ZNF536: variants seen among roughly 807,000 people sequenced by gnomAD.
ZNF536 encodes zinc finger protein 536.
In ZNF536, 13 loss-of-function variants were observed where a neutral mutation model predicts 84.5. The observed-to-expected ratio is 0.15, with a 90% CI of 0.10 to 0.24. The LOEUF is 0.24. Among genes scored for constraint, ZNF536 ranks in the 10% least tolerant of loss-of-function variants. The probability of loss-of-function intolerance (pLI) is 1.00; values close to 1 mark genes in which losing one functional copy is unlikely to be tolerated. For synonymous variants in ZNF536, 811 were observed against 742.5 expected, an observed-to-expected ratio of 1.09 and a Z score of -1.50; for missense variants, 1,536 against 1,747.5, an observed-to-expected ratio of 0.88 and a Z score of 2.16.
intron 1 of ZNF536, among the ~76,000 whole-genome samples, chr19:30,630,973 C>T (rs765326578): frequency 2.6e-5 from 4 of 152,164 alleles, no homozygotes; most frequent in South Asian, 2.1e-4. Context: ...GTCTGCTGGC[C>T]GAGGCTCGCT....
chr19:30,566,917 G>C (rs1568561056), intron 1 of ZNF536, among the ~76,000 whole-genome samples: 1 of 151,602 alleles, frequency 6.6e-6, no homozygotes. Context: ...CCCGCATGTG[G>C]CCTCTCTGGG....
At chr19:30,681,311 G>T (rs2050962551) in intron 1 of ZNF536, among the ~76,000 whole-genome samples, 1 of 152,202 alleles carries the variant, frequency 6.6e-6, no homozygotes, top group Non-Finnish European at 1.5e-5. Context: ...CCTGTGCAAG[G>T]TGCTGAGGAG....
At chr19:30,468,591 T>G (rs1243127786) in intron 2 of ZNF536, among the ~76,000 whole-genome samples, 1 of 152,098 alleles carries the variant, frequency 6.6e-6, no homozygotes, top group African/African-American at 2.4e-5. Context: ...CTTGGTGGTA[T>G]GGACTCTGCA....
intron 2 of ZNF536, among the ~76,000 whole-genome samples, chr19:30,493,315 A>G (rs187865726): frequency 1.4e-3 from 206 of 152,192 alleles, no homozygotes; most frequent in African/African-American, 4.7e-3. Context: ...TGTTAGAGAA[A>G]ATGTAAGGCT....
chr19:30,451,512 G>T (rs959139101), intron 2 of ZNF536, among the ~76,000 whole-genome samples: 1 of 152,188 alleles, frequency 6.6e-6, no homozygotes, highest in African/African-American at 2.4e-5. Flanking sequence ...CTTGATGCCA[G>T]TCCACCGTCA....
chr19:30,379,082 C>T (rs1018262236), intron 1 of ZNF536, among the ~76,000 whole-genome samples: 6 of 152,176 alleles, frequency 3.9e-5, no homozygotes, highest in South Asian at 2.1e-4. Flanking sequence ...TTGAAAACCT[C>T]GGTCAAATAT....
chr19:30,574,875 T>C (rs2046675454), intron 1 of ZNF536, among the ~76,000 whole-genome samples: 1 of 152,258 alleles, frequency 6.6e-6, no homozygotes, highest in African/African-American at 2.4e-5. Flanking sequence ...TATTCGATTT[T>C]TTTTTAAAGG....
At chr19:30,416,129 A>G (rs1210545788) in intron 1 of ZNF536, among the ~76,000 whole-genome samples, 2 of 152,226 alleles carry the variant, frequency 1.3e-5, no homozygotes, top group African/African-American at 4.8e-5. Flanking sequence ...ATTTAAAGAA[A>G]ATATATGCAA....
intron 2 of ZNF536, among the ~76,000 whole-genome samples, chr19:30,459,831 T>C (rs898864005): frequency 6.6e-6 from 1 of 152,222 alleles, no homozygotes; most frequent in African/African-American, 2.4e-5. Flanking sequence ...GATGCTGTCC[T>C]AGGCAGGCAG....
At chr19:30,326,254 C>A (rs1417566596) in intron 2 of ZNF536, among the ~76,000 whole-genome samples, 1 of 152,142 alleles carries the variant, frequency 6.6e-6, no homozygotes, top group African/African-American at 2.4e-5. Flanking sequence ...CCGGGCTTGG[C>A]GTCGCTCTGC....
intron 1 of ZNF536, among the ~76,000 whole-genome samples, chr19:30,579,119 C>T (rs186806892): frequency 1.1e-3 from 167 of 152,254 alleles, no homozygotes; most frequent in Admixed American, 4.2e-3. Flanking sequence ...GCTAGTTGTT[C>T]TTTTACTTAT....
intron 1 of ZNF536, among the ~76,000 whole-genome samples, chr19:30,709,233 A>C (rs905279192): frequency 3.3e-5 from 5 of 152,198 alleles, no homozygotes; most frequent in Admixed American, 6.5e-5. Flanking sequence ...GGAAGGTTTC[A>C]TTTCAAGAGT....
chr19:30,427,408 C>T (rs1045250504), intron 1 of ZNF536, among the ~76,000 whole-genome samples: 4 of 152,092 alleles, frequency 2.6e-5, no homozygotes, highest in African/African-American at 7.2e-5. Context: ...GTAGTTTGCC[C>T]TCAGGAAAAA....
chr19:30,452,984 G>C (rs1451065489), intron 2 of ZNF536, among the ~76,000 whole-genome samples: 1 of 150,330 alleles, frequency 6.7e-6, no homozygotes, highest in Non-Finnish European at 1.5e-5. Flanking sequence ...TGGTGTCGGG[G>C]GGGTGGGCAG....
At chr19:30,599,137 T>C in intron 1 of ZNF536, among the ~76,000 whole-genome samples, 1 of 87,714 alleles carries the variant, frequency 1.1e-5, no homozygotes. Flanking sequence ...CTTCCTCTTC[T>C]CTCTCTCCTC....
intron 2 of ZNF536, among the ~76,000 whole-genome samples, chr19:30,463,988 G>A (rs182755159): frequency 2.2e-4 from 33 of 152,332 alleles, no homozygotes; most frequent in Non-Finnish European, 3.8e-4. Flanking sequence ...CCTAAGAGGC[G>A]GCTCTAGGAG....
At chr19:30,469,092 A>C (rs2053529519) in intron 2 of ZNF536, among the ~76,000 whole-genome samples, 1 of 152,036 alleles carries the variant, frequency 6.6e-6, no homozygotes, top group South Asian at 2.1e-4. Context: ...GGTGCTGTTG[A>C]CCAAGCCAAG....
In ZNF536 at chr19:30,279,855, C is replaced by G. The variant is rs549354680; in HGVS notation, c.-189-4217C>G. Among the ~76,000 whole-genome samples, 3 of 152,336 alleles carry G rather than the reference C, an allele frequency of 2.0e-5. No homozygotes were observed. The South Asian group carries it at 6.2e-4, about 32-fold the overall frequency. ...CGGGCAGAGGGCCGAAGGAGCCGGA[C>G]TGGCTTTCTCTCCAAATCCTCCTTG... On this transcript the variant is annotated intron_variant, in intron 1 of 5. Transcript: ENST00000585628.
intron 1 of ZNF536, among the ~76,000 whole-genome samples, chr19:30,686,261 A>AAC (rs1198445561): frequency 9.8e-4 from 147 of 150,746 alleles, no homozygotes; most frequent in African/African-American, 3.4e-3. Context: ...ATCAACCCCC[A>AAC]ACACACACAC....
Sources: allele counts gnomAD v4.1 joint callset (sites outside exome capture counted in the v4.1 genomes callset), GRCh38; gene constraint gnomAD v4.1.1; transcripts MANE v1.5; gene names NCBI Gene and HGNC (gene_info 2026-07-23, HGNC 2026-07-21).